Variants in EPB41 observed in about 807,000 individuals in gnomAD.
EPB41 encodes erythrocyte membrane protein band 4.1.
EPB41 carries 65 observed loss-of-function variants against 108.0 expected under a neutral mutation model. The ratio of observed to expected loss-of-function variants is 0.60; its 90% CI spans 0.49 to 0.74. The LOEUF (loss-of-function observed/expected upper bound fraction) is 0.74. EPB41 is among the 30% of genes least tolerant of loss of function. The pLI is 0.00. For synonymous variants in EPB41, 336 were observed against 358.9 expected (o/e 0.94, Z 0.72); for missense variants, 875 against 1,037.0 (o/e 0.84, Z 2.15).
intron 8 of EPB41, among the ~76,000 whole-genome samples, chr1:29,032,711 A>G (rs562006342): frequency 6.6e-6 from 1 of 152,216 alleles, no homozygotes; most frequent in Non-Finnish European, 1.5e-5. Flanking sequence ...TGACTTAGGG[A>G]TCATATTTTT....
At chr1:29,104,909 A>G (rs1051413432) in intron 17 of EPB41, among the ~76,000 whole-genome samples, 1 of 151,252 alleles carries the variant, frequency 6.6e-6, no homozygotes, top group African/African-American at 2.4e-5. Flanking sequence ...TTTTTTGTAC[A>G]CACGGGACTC....
Position 29,015,256 on chromosome 1 carries a change from A to G in EPB41, c.830-436A>G, listed in dbSNP as rs118000762. Among the ~76,000 whole-genome samples the G allele has an allele frequency of 4.0e-5, 6 of 151,022 alleles. No homozygotes were observed. The East Asian group carries it at 1.2e-3, about 30-fold the overall frequency. ...GCATGAAAATATTTAAAGATGTATT[A>G]ATATAAAAAGAGAAATGTAGGCTGG... On this transcript the variant is annotated intron_variant, in intron 5 of 20. Transcript: ENST00000343067.
At chr1:29,010,613 G>C (rs571313980) in intron 4 of EPB41, among the ~76,000 whole-genome samples, 1 of 152,230 alleles carries the variant, frequency 6.6e-6, no homozygotes, top group African/African-American at 2.4e-5. Context: ...AGATGTTAAT[G>C]GTGAGGTTCT....
intron 11 of EPB41, chr1:29,041,215 C>A (rs1641424944): frequency 6.6e-6 from 1 of 152,138 alleles, no homozygotes; most frequent in African/African-American, 2.4e-5. Flanking sequence ...CATGGTGGCT[C>A]ATGCCTGTAA....
chr1:29,059,343 AAT>A (rs1319381235), intron 14 of EPB41, among the ~76,000 whole-genome samples: 1 of 152,168 alleles, frequency 6.6e-6, no homozygotes, highest in Non-Finnish European at 1.5e-5. Context: ...TCAGTAGCAA[AAT>A]ATGTTTTTAA....
At chr1:29,051,234 G>A (rs1198640215) in intron 11 of EPB41, among the ~76,000 whole-genome samples, 3 of 149,822 alleles carry the variant, frequency 2.0e-5, no homozygotes, top group South Asian at 4.3e-4. Context: ...GAGTAGCTAT[G>A]ACTACAGGCG....
intron 1 of EPB41, among the ~76,000 whole-genome samples, chr1:28,961,483 G>A (rs998281066): frequency 2.0e-5 from 3 of 152,128 alleles, no homozygotes; most frequent in Admixed American, 6.6e-5. Context: ...ACCAGGCTGG[G>A]AATCTGAACA....
chr1:28,890,435 T>A (rs1266263445), intron 1 of EPB41, among the ~76,000 whole-genome samples: 1 of 152,164 alleles, frequency 6.6e-6, no homozygotes. Flanking sequence ...TTCTGTGAAA[T>A]GAGTAGGGGA....
intron 1 of EPB41, among the ~76,000 whole-genome samples, chr1:28,924,495 C>G (rs1306659956): frequency 1.3e-5 from 2 of 152,000 alleles, no homozygotes; most frequent in Non-Finnish European, 2.9e-5. Context: ...TGCCACTGCA[C>G]TCCAGCTCTG....
At chr1:28,947,188 C>CG (rs1398125305) in intron 1 of EPB41, among the ~76,000 whole-genome samples, 3 of 152,126 alleles carry the variant, frequency 2.0e-5, no homozygotes, top group South Asian at 4.1e-4. Flanking sequence ...GAAGCCAAGG[C>CG]GGGTGGATCA....
intron 1 of EPB41, among the ~76,000 whole-genome samples, chr1:28,975,627 C>G (rs578220317): frequency 4.1e-4 from 62 of 152,154 alleles, no homozygotes; most frequent in African/African-American, 1.5e-3. Flanking sequence ...GTGTCTTTGC[C>G]TGTCTCTTCC....
intron 11 of EPB41, among the ~76,000 whole-genome samples, chr1:29,050,424 C>G (rs1324536949): frequency 1.3e-5 from 2 of 152,232 alleles, no homozygotes; most frequent in Non-Finnish European, 2.9e-5. Context: ...TCTATGATGC[C>G]AGGCATAGTT....
intron 16 of EPB41, among the ~76,000 whole-genome samples, chr1:29,081,459 T>C (rs1656577203): frequency 6.6e-6 from 1 of 152,154 alleles, no homozygotes. Context: ...GTATATCACT[T>C]TATCTCTTAC....
intron 1 of EPB41, among the ~76,000 whole-genome samples, chr1:28,985,210 C>T (rs1358250346): frequency 2.7e-5 from 4 of 150,316 alleles, no homozygotes; most frequent in East Asian, 2.0e-4. Context: ...GTGATCTGCC[C>T]GCCTCGGCCT....
At chr1:28,988,505 G>T (rs191950601) in intron 2 of EPB41, among the ~76,000 whole-genome samples, 1 of 152,006 alleles carries the variant, frequency 6.6e-6, no homozygotes, top group East Asian at 1.9e-4. Flanking sequence ...GATTACAGGC[G>T]CTGGCCACCA....
intron 2 of EPB41, among the ~76,000 whole-genome samples, chr1:28,990,634 G>A (rs546490872): frequency 3.9e-5 from 6 of 151,956 alleles, no homozygotes; most frequent in Admixed American, 2.6e-4. Flanking sequence ...GCCTAGGCTG[G>A]TCTTGAACTC....
rs2150427021 is a variant in EPB41, at chr1:29,039,438, A to G, written c.1636+12A>G. On this transcript the variant is annotated intron_variant, in intron 11 of 20. Coordinates refer to ENST00000343067, the MANE Select transcript of EPB41 (RefSeq NM_001376013.1). Reference sequence around the variant, plus strand: ...GAGCCTCGATGGAGGTTTGTATTGAATATTAATGATTTCTTGTGATCATAA... The same window carrying G: ...GAGCCTCGATGGAGGTTTGTATTGAGTATTAATGATTTCTTGTGATCATAA... The G allele has an allele frequency of 6.2e-7, 1 of 1,613,446 alleles. No individual in the cohort carries two copies. The highest frequency in any genetic ancestry group is 1.8e-4 in the Middle Eastern group (1 of 5,692).
At chr1:28,925,470 A>T (rs903971618) in intron 1 of EPB41, among the ~76,000 whole-genome samples, 1 of 152,194 alleles carries the variant, frequency 6.6e-6, no homozygotes, top group African/African-American at 2.4e-5. Flanking sequence ...GGGATAGAAC[A>T]TAAGACATCA....
chr1:28,908,294 C>A (rs568379325), intron 1 of EPB41, among the ~76,000 whole-genome samples: 1 of 149,778 alleles, frequency 6.7e-6, no homozygotes, highest in Non-Finnish European at 1.5e-5. Context: ...CCCAGCTGCT[C>A]GGGAGGCTGA....
Sources: allele counts gnomAD v4.1 joint callset (sites outside exome capture counted in the v4.1 genomes callset), GRCh38; gene constraint gnomAD v4.1.1; transcripts MANE v1.5; gene names NCBI Gene and HGNC (gene_info 2026-07-23, HGNC 2026-07-21).